USP7: variants seen among roughly 807,000 people sequenced by gnomAD.
The protein encoded by USP7 is ubiquitin specific peptidase 7.
In USP7, 9 loss-of-function variants were observed where a neutral mutation model predicts 162.9. The observed-to-expected ratio is 0.06, with a 90% CI of 0.03 to 0.10. USP7 has a LOEUF of 0.10. Among genes scored for constraint, USP7 ranks in the 10% least tolerant of loss-of-function variants. The pLI is 1.00. For missense variants in USP7, 715 were observed against 1,373.7 expected (o/e 0.52, Z 7.58); for synonymous variants, 562 against 475.9 (o/e 1.18, Z -2.35).
rs1417502075 is a variant in USP7, at chr16:8,921,306, G to T, written c.384-11C>A. ...TGGCAAGACCATGACCTGTTTAAAA[G>T]AATAATCTGAGCCTTAGTTGACATT... On this transcript the variant is annotated splice_polypyrimidine_tract_variant and intron_variant, in intron 3 of 30. Coordinates refer to ENST00000344836, the MANE Select transcript of USP7 (RefSeq NM_003470.3). 3 of 1,611,292 alleles carry T rather than the reference G, an allele frequency of 1.9e-6. No homozygotes were observed. In the African/African-American group the frequency reaches 4.0e-5, roughly 21 times the overall value.
intron 11 of USP7, among the ~76,000 whole-genome samples, chr16:8,909,863 T>G (rs1596365629): frequency 6.6e-6 from 1 of 151,858 alleles, no homozygotes; most frequent in Non-Finnish European, 1.5e-5. Context: ...GAGGCAGAGG[T>G]TGCAGTGAGT....
intron 8 of USP7, 26 bp downstream of exon 8, chr16:8,916,476 A>C (rs781624087): frequency 1.9e-6 from 3 of 1,599,046 alleles, no homozygotes; most frequent in African/African-American, 2.7e-5. Context: ...ATTGTAAGAA[A>C]TATACAAGTA....
At chr16:8,922,784 T>C (rs1897770921) in intron 3 of USP7, among the ~76,000 whole-genome samples, 1 of 152,280 alleles carries the variant, frequency 6.6e-6, no homozygotes, top group Non-Finnish European at 1.5e-5. Flanking sequence ...GTTTAAATGT[T>C]CCTCAAGTCA....
intron 18 of USP7, among the ~76,000 whole-genome samples, chr16:8,901,750 C>T (rs1017588355): frequency 1.3e-5 from 2 of 152,268 alleles, no homozygotes; most frequent in Middle Eastern, 3.4e-3. Context: ...AGGCCTGAAA[C>T]GCCTGAGATA....
In USP7 at chr16:8,921,246, C is replaced by T. The variant is rs961744979; in HGVS notation, c.433G>A (p.Asp145Asn). The T allele has an allele frequency of 1.9e-6, 3 of 1,614,006 alleles. No individual in the cohort carries two copies. Among genetic ancestry groups the T allele is most frequent in the African/African-American group, 1.3e-5 (1 of 74,942 alleles). ...QAVLKIINYR[D>N]DEKSFSRRIS... ...CGACGACTGAACGACTTTTCATCAT[C>T]TCTGTAATTTATTATCTTCAGCACT... Residue 145 changes from aspartate (D) to asparagine (N), a missense_variant, in exon 4 of 31, where the codon GAT becomes AAT. Asp to Asn is a conservative substitution (Grantham distance 23). This residue lies in a region of USP7 where 35 missense variants were observed against 101.0 expected (regional missense o/e 0.35). Transcript: ENST00000344836.
At chr16:8,896,188 G>T (rs541960174) in intron 26 of USP7, among the ~76,000 whole-genome samples, 11 of 144,054 alleles carry the variant, frequency 7.6e-5, no homozygotes, top group African/African-American at 2.8e-4. Context: ...CAGAAACAGA[G>T]ACCGGAGGCA....
intron 1 of USP7, among the ~76,000 whole-genome samples, chr16:8,957,546 C>A (rs903005980): frequency 6.6e-6 from 1 of 151,532 alleles, no homozygotes; most frequent in Admixed American, 6.6e-5. Context: ...GAATTCCACA[C>A]CAGCCTGAAC....
chr16:8,944,161 A>C (rs1252639663), intron 1 of USP7, among the ~76,000 whole-genome samples: 1 of 152,026 alleles, frequency 6.6e-6, no homozygotes, highest in African/African-American at 2.4e-5. Flanking sequence ...TTTTGCTTGC[A>C]TGTTTGAATG....
Position 8,894,532 on chromosome 16 carries a change from G to C in USP7, c.3202+18C>G, listed in dbSNP as rs780907194. ...GTCTGAAACCCACACCAGCCCCCGG[G>C]GGGGGGAGAACCCTTACCGGGCTGT... On this transcript the variant is annotated intron_variant, in intron 30 of 30. Transcript: ENST00000344836. The C allele has an allele frequency of 5.0e-5, 80 of 1,606,856 alleles. 1 individual carries two copies. Among genetic ancestry groups the C allele is most frequent in the African/African-American group, 2.0e-4 (15 of 74,620 alleles).
rs145242233 is a variant in USP7, at chr16:8,943,657, G to C, written c.80-13260C>G. On this transcript the variant is annotated intron_variant, in intron 1 of 30. Transcript: ENST00000344836. ...GATGCCCACCAGTACTGAAGGTCTA[G>C]CATATGGGTAGAGTCGAATGGCTGG... Among the ~76,000 whole-genome samples, 726 of 152,350 alleles carry C rather than the reference G, an allele frequency of 4.8e-3. 3 individuals carry two copies. Among genetic ancestry groups the C allele is most frequent in the African/African-American group, 0.016 (658 of 41,584 alleles).
At chr16:8,957,238 C>T (rs1449337375) in intron 1 of USP7, among the ~76,000 whole-genome samples, 2 of 152,202 alleles carry the variant, frequency 1.3e-5, no homozygotes. Flanking sequence ...ACTTTCTTGC[C>T]TACGCATGAC....
rs554217710 is a variant in USP7 at position 8,912,203 on chromosome 16, G to C, written c.1079-1376C>G. ...TCAGTGGCTCACGCCTGTAATCCCA[G>C]CACTTTGGGAGGCAGAGGTACGTGG... On this transcript the variant is annotated intron_variant, in intron 10 of 30. Transcript: ENST00000344836. 4.6e-5 allele frequency among the ~76,000 whole-genome samples: 7 copies of C among 152,294 alleles called. No homozygotes were observed. The East Asian group carries it at 1.4e-3, about 29-fold the overall frequency.
intron 27 of USP7, 40 bp from the exon 28 acceptor site, chr16:8,895,190 G>A: frequency 2.0e-5 from 32 of 1,613,784 alleles, no homozygotes; most frequent in Non-Finnish European, 2.7e-5. Flanking sequence ...GTAAGTGCAA[G>A]TGATGTGGTC....
intron 1 of USP7, among the ~76,000 whole-genome samples, chr16:8,951,124 TAA>T (rs899574608): frequency 6.6e-6 from 1 of 152,202 alleles, no homozygotes; most frequent in South Asian, 2.1e-4. Context: ...AGGCAAGGCT[TAA>T]AGTCAAACCA....
chr16:8,903,822 G>A (rs563020820), intron 15 of USP7, among the ~76,000 whole-genome samples: 6 of 150,424 alleles, frequency 4.0e-5, no homozygotes, highest in South Asian at 2.1e-4. Flanking sequence ...AGCAGAGATC[G>A]CGCCACTGCA....
At chr16:8,925,601 T>C (rs986827273) in intron 2 of USP7, among the ~76,000 whole-genome samples, 1 of 152,178 alleles carries the variant, frequency 6.6e-6, no homozygotes, top group African/African-American at 2.4e-5. Flanking sequence ...GAATTGAAGT[T>C]TGCACTTGGT....
chr16:8,923,438 C>T, intron 2 of USP7, 25 bp from the exon 3 acceptor site: 1 of 1,612,416 alleles, frequency 6.2e-7, no homozygotes, highest in South Asian at 1.1e-5. Flanking sequence ...CATCATCAGT[C>T]ACAGAGCCTG....
intron 21 of USP7, 89 bp downstream of exon 21, chr16:8,900,441 G>GGATC: frequency 1.1e-6 from 1 of 926,016 alleles, no homozygotes; most frequent in Non-Finnish European, 1.6e-6. Context: ...ACGTGGCTCG[G>GGATC]GATCTAGGTA....
At chr16:8,900,890 T>TGTC (rs1481707800) in intron 20 of USP7, 100 bp downstream of exon 20, 1 of 1,206,246 alleles carries the variant, frequency 8.3e-7, no homozygotes, top group African/African-American at 1.5e-5. Context: ...AGTTAGCTGG[T>TGTC]AGACCTAACA....
Sources: gnomAD v4.1 joint callset for allele counts (sites outside exome capture counted in the v4.1 genomes callset) on GRCh38, gnomAD v4.1.1 for gene constraint, gnomAD v4.1.1 regional missense constraint, MANE v1.5 for transcripts, NCBI Gene and HGNC (gene_info 2026-07-23, HGNC 2026-07-21) for gene names.